The following NRG3 variants were observed in gnomAD, a reference collection of about 807,000 sequenced individuals.
NRG3 encodes pro-neuregulin-3, membrane-bound isoform.
NRG3 carries 31 observed loss-of-function variants against 66.9 expected under a neutral mutation model. The observed-to-expected ratio is 0.46, with a 90% CI of 0.35 to 0.63. NRG3 has a LOEUF of 0.63. NRG3 is among the 20% of genes least tolerant of loss of function. The pLI is 0.00. For synonymous variants in NRG3, 393 were observed against 359.4 expected (o/e 1.09, Z -1.06); for missense variants, 910 against 878.9 (o/e 1.04, Z -0.45).
At chr10:82,912,427 T>C (rs907495516) in intron 4 of NRG3, among the ~76,000 whole-genome samples, 5 of 152,204 alleles carry the variant, frequency 3.3e-5, no homozygotes, top group African/African-American at 1.2e-4. Flanking sequence ...GATATTTTTT[T>C]CTTGCACTGA....
chr10:82,189,284 A>G (rs1488658224), intron 1 of NRG3, among the ~76,000 whole-genome samples: 2 of 152,198 alleles, frequency 1.3e-5, no homozygotes, highest in African/African-American at 4.8e-5. Flanking sequence ...TACCAAAATA[A>G]TAGAGTTAAA....
At chr10:82,500,719 T>G (rs1009416635) in intron 2 of NRG3, among the ~76,000 whole-genome samples, 2 of 152,222 alleles carry the variant, frequency 1.3e-5, no homozygotes, top group Non-Finnish European at 2.9e-5. Flanking sequence ...GATTTATAGT[T>G]GGCCTATACT....
chr10:82,544,462 C>T (rs2043756967), intron 2 of NRG3, among the ~76,000 whole-genome samples: 1 of 152,172 alleles, frequency 6.6e-6, no homozygotes, highest in Non-Finnish European at 1.5e-5. Flanking sequence ...TCCTCCCAAT[C>T]AGACTCTGAA....
intron 2 of NRG3, among the ~76,000 whole-genome samples, chr10:82,528,562 C>G (rs1846945444): frequency 6.6e-6 from 1 of 152,090 alleles, no homozygotes; most frequent in African/African-American, 2.4e-5. Flanking sequence ...GACTCCTGGA[C>G]TTATCAGGGA....
rs61129177 is a variant in NRG3 at position 81,994,910 on chromosome 10, G to A, written c.823+118747G>A. 5.9e-3 allele frequency among the ~76,000 whole-genome samples: 893 copies of A among 152,158 alleles called. 8 individuals are homozygous for A. Among genetic ancestry groups the A allele is most frequent in the African/African-American group, 0.021 (864 of 41,530 alleles). The stretch of plus-strand genomic sequence containing the variant: ...TATGGTAGCTCTTGAGTTCTAAAAC[G>A]TCAGTTTTCTTTAGCTGAGGAAAGT... On this transcript the variant is annotated intron_variant, in intron 1 of 8. Coordinates refer to ENST00000372141, the MANE Select transcript of NRG3 (RefSeq NM_001010848.4).
intron 1 of NRG3, among the ~76,000 whole-genome samples, chr10:82,205,286 T>C (rs1008994973): frequency 6.6e-6 from 1 of 152,184 alleles, no homozygotes; most frequent in Non-Finnish European, 1.5e-5. Context: ...GTACTACAGA[T>C]TTCAGTTATG....
chr10:82,305,306 A>G (rs1003634636), intron 1 of NRG3, among the ~76,000 whole-genome samples: 2 of 151,918 alleles, frequency 1.3e-5, no homozygotes, highest in Non-Finnish European at 2.9e-5. Context: ...AAGTCATCAG[A>G]TTCTTAAAGC....
intron 1 of NRG3, among the ~76,000 whole-genome samples, chr10:82,280,793 C>CT (rs2079083682): frequency 4.6e-5 from 7 of 152,294 alleles, no homozygotes; most frequent in Admixed American, 4.6e-4. Flanking sequence ...AAGGGGGACT[C>CT]TAATTGCACC....
At chr10:82,592,936 C>T (rs1212603020) in intron 2 of NRG3, among the ~76,000 whole-genome samples, 2 of 152,170 alleles carry the variant, frequency 1.3e-5, no homozygotes, top group African/African-American at 4.8e-5. Flanking sequence ...GACTTAGACA[C>T]TTGCTTAATA....
rs761519182 is a variant in NRG3, at chr10:82,986,472, G to A, written c.*867G>A. The A allele has an allele frequency of 9.2e-5, 14 of 152,154 alleles. No individual in the cohort carries two copies. Among genetic ancestry groups the A allele is most frequent in the African/African-American group, 1.2e-4 (5 of 41,434 alleles). 9.4% of individuals were successfully genotyped at this position (152,154 alleles called of 1,614,324 possible). On this transcript the variant is annotated 3_prime_UTR_variant, in exon 9 of 9. Transcript: ENST00000372141. ...TGTGCGTATGTGTGTGCATGTGTGC[G>A]CGTATTACGCTTGCTAAAATTTGTT... is the stretch of plus-strand genomic sequence containing the variant.
At chr10:82,718,664 A>G (rs2057118941) in intron 2 of NRG3, among the ~76,000 whole-genome samples, 1 of 152,212 alleles carries the variant, frequency 6.6e-6, no homozygotes, top group Non-Finnish European at 1.5e-5. Flanking sequence ...TGGAATATGT[A>G]GGTAATTATG....
At chr10:82,458,163 T>G (rs2091356531) in intron 2 of NRG3, among the ~76,000 whole-genome samples, 1 of 152,224 alleles carries the variant, frequency 6.6e-6, no homozygotes, top group South Asian at 2.1e-4. Context: ...ACTCCTCAGT[T>G]CATCACATGA....
intron 1 of NRG3, among the ~76,000 whole-genome samples, chr10:81,972,683 G>A (rs1018961071): frequency 6.6e-6 from 1 of 152,028 alleles, no homozygotes; most frequent in Non-Finnish European, 1.5e-5. Flanking sequence ...AGTGATCTGT[G>A]GGGCAACTTC....
At chr10:81,956,433 G>A (rs1009981511) in intron 1 of NRG3, among the ~76,000 whole-genome samples, 13 of 152,112 alleles carry the variant, frequency 8.5e-5, no homozygotes, top group African/African-American at 3.1e-4. Flanking sequence ...TTTGGTGATG[G>A]TCCATACACT....
chr10:82,941,327 T>C (rs1848560541), intron 4 of NRG3, among the ~76,000 whole-genome samples: 1 of 152,200 alleles, frequency 6.6e-6, no homozygotes, highest in Admixed American at 6.5e-5. Context: ...TTTAACTAAA[T>C]GAAATACTTG....
At chr10:82,727,733 C>G (rs2057681476) in intron 2 of NRG3, among the ~76,000 whole-genome samples, 1 of 152,166 alleles carries the variant, frequency 6.6e-6, no homozygotes, top group African/African-American at 2.4e-5. Context: ...CACTGTCCTC[C>G]AGACCCCAGA....
chr10:82,511,236 TAAAC>T (rs982299971), intron 2 of NRG3, among the ~76,000 whole-genome samples: 2 of 151,044 alleles, frequency 1.3e-5, no homozygotes, highest in East Asian at 2.0e-4. Context: ...AAAGAAAAAA[TAAAC>T]AAACAAACAA....
intron 2 of NRG3, among the ~76,000 whole-genome samples, chr10:82,510,521 G>T (rs1845073703): frequency 6.6e-6 from 1 of 152,182 alleles, no homozygotes; most frequent in Non-Finnish European, 1.5e-5. Flanking sequence ...TACTTTTGGA[G>T]AGACTTTCCC....
chr10:82,181,976 G>A (rs1262513474), intron 1 of NRG3, among the ~76,000 whole-genome samples: 1 of 151,684 alleles, frequency 6.6e-6, no homozygotes, highest in Non-Finnish European at 1.5e-5. Flanking sequence ...TATCATCTTG[G>A]TGAATTGACC....
Sources: allele counts gnomAD v4.1 joint callset (sites outside exome capture counted in the v4.1 genomes callset), GRCh38; gene constraint gnomAD v4.1.1; transcripts MANE v1.5; gene names NCBI Gene and HGNC (gene_info 2026-07-23, HGNC 2026-07-21).